The following CAST variants were observed in gnomAD, a reference collection of about 807,000 sequenced individuals.
CAST encodes calpastatin, also known as MIR583 host.
CAST carries 76 observed loss-of-function variants against 119.6 expected under a neutral mutation model. The ratio of observed to expected loss-of-function variants is 0.64; its 90% CI spans 0.53 to 0.77. The LOEUF is 0.77. Among genes scored for constraint, CAST ranks in the 30% least tolerant of loss-of-function variants. The pLI, the probability that CAST is intolerant of heterozygous loss-of-function variation, is 0.00. For missense variants in CAST, 953 were observed against 946.5 expected, an observed-to-expected ratio of 1.01 and a Z score of -0.09; for synonymous variants, 319 against 331.6, an observed-to-expected ratio of 0.96 and a Z score of 0.41.
At chr5:95,997,869 G>A in the CAST span, among the ~76,000 whole-genome samples, 2 of 151,224 alleles carry the variant, frequency 1.3e-5, no homozygotes, top group Admixed American at 6.6e-5. Context: ...ATAAAAATGC[G>A]AATGATCTGC....
rs1233360638 is a variant in CAST at position 96,534,714 on chromosome 5, G to GGAGAGA, written c.60+4857_60+4862dup. ...AGGAAGGAAGGAAGGAAGGAAGGAA[G>GGAGAGA]GAGAGAGAGAGAGAGAGAGAGAGAG... On this transcript the variant is annotated intron_variant, in intron 1 of 11. Transcript: ENST00000505143. Among the ~76,000 whole-genome samples, 95 of 13,994 alleles carry GGAGAGA rather than the reference G, an allele frequency of 6.8e-3. 3 individuals carry two copies. Among genetic ancestry groups the GGAGAGA allele is most frequent in the African/African-American group, 0.016 (90 of 5,500 alleles). The allele number at this position is 13,994 out of a possible 152,430, so 9.2% of individuals were successfully genotyped here.
chr5:96,736,312 C>A, intron 10 of CAST, 72 bp downstream of exon 10: 1 of 916,464 alleles, frequency 1.1e-6, no homozygotes, highest in Non-Finnish European at 1.7e-6. Context: ...AATCTGATTT[C>A]TTGTGGGCAA....
chr5:96,045,765 C>G, the CAST span, among the ~76,000 whole-genome samples: 1 of 152,042 alleles, frequency 6.6e-6, no homozygotes, highest in Admixed American at 6.6e-5. Flanking sequence ...CCTAGTAGGT[C>G]TAACTTTAGG....
chr5:96,616,079 T>C (rs1197969425), intron 1 of CAST, among the ~76,000 whole-genome samples: 2 of 148,536 alleles, frequency 1.3e-5, no homozygotes, highest in Non-Finnish European at 3.0e-5. Flanking sequence ...GCTGATTAGA[T>C]GGTGTTCGTG....
the CAST span, among the ~76,000 whole-genome samples, chr5:96,390,063 C>G: frequency 6.6e-6 from 1 of 152,190 alleles, no homozygotes; most frequent in South Asian, 2.1e-4. Context: ...AATCATTTCT[C>G]TTACATGTAG....
At chr5:96,406,485 G>C in the CAST span, among the ~76,000 whole-genome samples, 2 of 152,106 alleles carry the variant, frequency 1.3e-5, no homozygotes, top group East Asian at 3.9e-4. Flanking sequence ...CATCTTGCCA[G>C]CCCCTCCAAG....
chr5:96,197,839 GC>G, the CAST span, among the ~76,000 whole-genome samples: 1 of 152,098 alleles, frequency 6.6e-6, no homozygotes, highest in Non-Finnish European at 1.5e-5. Flanking sequence ...GCTCACTGCA[GC>G]CTTAACCTTC....
At chr5:96,561,601 T>C (rs1746362915) in intron 1 of CAST, among the ~76,000 whole-genome samples, 2 of 151,682 alleles carry the variant, frequency 1.3e-5, no homozygotes, top group African/African-American at 4.8e-5. Flanking sequence ...TTAGGAGGAA[T>C]ACCTAATGTA....
At chr5:96,054,181 A>G in the CAST span, among the ~76,000 whole-genome samples, 9 of 152,120 alleles carry the variant, frequency 5.9e-5, no homozygotes, top group Non-Finnish European at 1.3e-4. Flanking sequence ...CCAGTTTAAT[A>G]TAGCTCTGAT....
chr5:96,653,235 C>T (rs1239008876), intron 1 of CAST, among the ~76,000 whole-genome samples: 2 of 152,232 alleles, frequency 1.3e-5, no homozygotes, highest in East Asian at 1.9e-4. Context: ...TGCCTTGGGG[C>T]AGGGCTAGAC....
At chr5:96,464,340 G>C in the CAST span, among the ~76,000 whole-genome samples, 1 of 151,976 alleles carries the variant, frequency 6.6e-6, no homozygotes, top group African/African-American at 2.4e-5. Context: ...AAAAATGACA[G>C]TATTTACTGT....
the CAST span, among the ~76,000 whole-genome samples, chr5:96,387,394 G>A: frequency 6.6e-6 from 1 of 152,060 alleles, no homozygotes; most frequent in Non-Finnish European, 1.5e-5. Flanking sequence ...CAGAGCCAAG[G>A]GCCTAGATGC....
intron 1 of CAST, among the ~76,000 whole-genome samples, chr5:96,591,623 GCTAATTTATAATCTAAGAA>G (rs943063498): frequency 1.8e-4 from 28 of 152,210 alleles, no homozygotes; most frequent in African/African-American, 6.0e-4. Context: ...GAGGAAGAGA[GCTAATTTATAATCTAAGAA>G]GCAGAAGTTG....
chr5:96,227,695 T>C, the CAST span, among the ~76,000 whole-genome samples: 4 of 152,220 alleles, frequency 2.6e-5, no homozygotes, highest in East Asian at 7.7e-4. Context: ...TTGTTTTTTG[T>C]TACTTTTTAT....
chr5:95,969,478 C>T, the CAST span, among the ~76,000 whole-genome samples: 1,774 of 152,114 alleles, frequency 0.012, 36 homozygotes, highest in African/African-American at 0.041. Flanking sequence ...GGCTCTGTAT[C>T]ATTTGGGAAT....
the CAST span, among the ~76,000 whole-genome samples, chr5:96,434,423 T>G: frequency 1.3e-5 from 2 of 152,220 alleles, no homozygotes; most frequent in African/African-American, 4.8e-5. Flanking sequence ...CAAGCTGTTT[T>G]CCTTTTGATA....
chr5:96,505,742 C>G, the CAST span, among the ~76,000 whole-genome samples: 3 of 152,212 alleles, frequency 2.0e-5, no homozygotes, highest in Non-Finnish European at 2.9e-5. Context: ...GAGGTAAGAG[C>G]AGAAGGGTTT....
At chr5:96,653,267 G>C (rs945339054) in intron 1 of CAST, among the ~76,000 whole-genome samples, 3 of 152,200 alleles carry the variant, frequency 2.0e-5, no homozygotes, top group African/African-American at 7.2e-5. Context: ...TTGAAGTTAT[G>C]CCAGACATGT....
At chr5:96,426,180 A>G in the CAST span, among the ~76,000 whole-genome samples, 1 of 152,120 alleles carries the variant, frequency 6.6e-6, no homozygotes, top group Non-Finnish European at 1.5e-5. Flanking sequence ...AATTCCCTAA[A>G]TTATTTACAT....
Sources: gnomAD v4.1 joint callset for allele counts (sites outside exome capture counted in the v4.1 genomes callset) on GRCh38, gnomAD v4.1.1 for gene constraint, MANE v1.5 for transcripts, NCBI Gene and HGNC (gene_info 2026-07-23, HGNC 2026-07-21) for gene names.